NIPAL1: variants seen among roughly 807,000 people sequenced by gnomAD.
NIPAL1 encodes the protein NIPA like domain containing 1, also known as magnesium transporter NIPA3.
A neutral mutation model predicts 37.7 loss-of-function variants in NIPAL1; 35 were observed. The observed-to-expected ratio is 0.93, with a 90% CI of 0.71 to 1.23. The LOEUF (loss-of-function observed/expected upper bound fraction) is 1.23. Ranked by LOEUF, NIPAL1 falls within the 50% of genes most tolerant of loss-of-function variation. The pLI, the probability that NIPAL1 is intolerant of heterozygous loss-of-function variation, is 0.00. For synonymous variants in NIPAL1, 162 were observed against 183.0 expected (o/e 0.89, Z 0.93); for missense variants, 412 against 473.9 (o/e 0.87, Z 1.21).
At position 48,034,868 on chromosome 4, in the gene NIPAL1, T is replaced by TC; in HGVS notation, c.462-12dup. 1 of 1,604,316 alleles carries TC rather than the reference T, an allele frequency of 6.2e-7. No homozygotes were observed. Among genetic ancestry groups the TC allele is most frequent in the Admixed American group, 1.7e-5 (1 of 58,238 alleles). ...TGAGCTATAGTGATTTTTAATTTTT[T>TC]CTCTCCCAACAGTGCAATATTATCT... On this transcript the variant is annotated splice_polypyrimidine_tract_variant and intron_variant, in intron 4 of 5. Transcript: ENST00000295461.
chr4:48,017,054 C>T (rs1488882590), intron 1 of NIPAL1, among the ~76,000 whole-genome samples, 169 bp downstream of exon 1: 2 of 152,356 alleles, frequency 1.3e-5, no homozygotes, highest in African/African-American at 4.8e-5. Context: ...AGGCGTTCAA[C>T]ACTTATTTAT....
chr4:48,029,501 T>C (rs1473365913), intron 2 of NIPAL1, among the ~76,000 whole-genome samples: 1 of 152,148 alleles, frequency 6.6e-6, no homozygotes, highest in Non-Finnish European at 1.5e-5. Context: ...ATTCAGGTGA[T>C]AGATACACTA....
At position 48,040,074 on chromosome 4, in the gene NIPAL1, C is replaced by A. The variant is rs1444585200; in HGVS notation, c.*3902C>A. 1 of 151,926 alleles carries A rather than the reference C, an allele frequency of 6.6e-6. No homozygotes were observed. The highest frequency in any genetic ancestry group is 1.5e-5 in the Non-Finnish European group (1 of 68,000). The allele number at this position is 151,926 out of a possible 1,614,324, so 9.4% of individuals were successfully genotyped here. On this transcript the variant is annotated 3_prime_UTR_variant, in exon 6 of 6. Coordinates refer to ENST00000295461, the MANE Select transcript of NIPAL1 (RefSeq NM_207330.3). ...TATTTTGAATAAACTGTTCATGAAG[C>A]CTTATATTTTGCAAGTGTTTTTACT...
In NIPAL1 at chr4:48,036,505, C is replaced by G; in HGVS notation, c.*333C>G. ...TCTTTGGTAGCTATTTTTAGACTTACAGTCATTCACCAATATACAGTTAGC... is the reference window on the plus strand; with the variant it reads ...TCTTTGGTAGCTATTTTTAGACTTAGAGTCATTCACCAATATACAGTTAGC... On this transcript the variant is annotated 3_prime_UTR_variant, in exon 6 of 6. Transcript: ENST00000295461. 3.4e-6 allele frequency: 1 copy of G among 294,964 alleles called. No individual in the cohort carries two copies. Among genetic ancestry groups the G allele is most frequent in the Non-Finnish European group, 6.3e-6 (1 of 158,854 alleles). The allele number at this position is 294,964 out of a possible 1,614,324, so 18.3% of individuals were successfully genotyped here. A position where few individuals can be genotyped will look rare whatever the true frequency, so the allele number is the denominator to read the frequency against.
chr4:48,018,944 T>C (rs1715513117), intron 1 of NIPAL1, among the ~76,000 whole-genome samples: 1 of 152,094 alleles, frequency 6.6e-6, no homozygotes, highest in South Asian at 2.1e-4. Context: ...TGACAAGGGG[T>C]CAGTCATGAG....
chr4:48,028,448 G>C (rs1560323912), intron 2 of NIPAL1, among the ~76,000 whole-genome samples: 1 of 152,074 alleles, frequency 6.6e-6, no homozygotes, highest in Admixed American at 6.5e-5. Flanking sequence ...AAACTTAAAT[G>C]TAAAACCTGA....
chr4:48,037,842 T>C lies in NIPAL1; in HGVS notation c.*1670T>C, dbSNP rs1364142152. On this transcript the variant is annotated 3_prime_UTR_variant, in exon 6 of 6. Coordinates refer to ENST00000295461, the MANE Select transcript of NIPAL1 (RefSeq NM_207330.3). ...TGATGGACAGATTTACTGTCACTTA[T>C]TGATTTTATGGAAAATAAATTGGCT... 1 of 152,180 alleles carries C rather than the reference T, an allele frequency of 6.6e-6. No individual in the cohort carries two copies. The highest frequency in any genetic ancestry group is 1.5e-5 in the Non-Finnish European group (1 of 68,032). The allele number at this position is 152,180 out of a possible 1,614,324, so 9.4% of individuals were successfully genotyped here.
intron 4 of NIPAL1, among the ~76,000 whole-genome samples, chr4:48,033,427 A>G (rs1424335459): frequency 2.6e-5 from 4 of 152,238 alleles, no homozygotes; most frequent in Admixed American, 6.5e-5. Context: ...TTGATTTCCT[A>G]CTAACATAAA....
At chr4:48,020,284 TG>T (rs1715544110) in intron 1 of NIPAL1, among the ~76,000 whole-genome samples, 1 of 152,206 alleles carries the variant, frequency 6.6e-6, no homozygotes, top group Admixed American at 6.5e-5. Flanking sequence ...GTTGAGATTT[TG>T]TTGTAAGTTG....
chr4:48,038,601 C>G lies in NIPAL1; in HGVS notation c.*2429C>G, dbSNP rs1716008238. On this transcript the variant is annotated 3_prime_UTR_variant, in exon 6 of 6. Transcript: ENST00000295461. ...CCAGCCTGGGTGACAAGAGTGAGAC[C>G]CTGACCCAAAAAAGTATCTTCTGAT... 6.6e-6 allele frequency: 1 copy of G among 151,894 alleles called. No homozygotes were observed. Among genetic ancestry groups the G allele is most frequent in the African/African-American group, 2.4e-5 (1 of 41,336 alleles). The allele number at this position is 151,894 out of a possible 1,614,324, so 9.4% of individuals were successfully genotyped here.
At chr4:48,024,953 A>G (rs923347778) in intron 1 of NIPAL1, 115 bp from the exon 2 acceptor site, 4 of 861,110 alleles carry the variant, frequency 4.6e-6, no homozygotes, top group Non-Finnish European at 7.4e-6. Flanking sequence ...ACTTCCCTAC[A>G]TGTAGTAAAA....
At chr4:48,018,305 G>A (rs574164113) in intron 1 of NIPAL1, among the ~76,000 whole-genome samples, 1 of 152,164 alleles carries the variant, frequency 6.6e-6, no homozygotes, top group African/African-American at 2.4e-5. Context: ...GAAGGTATAT[G>A]AATTACACCC....
rs1293081561 is a variant in NIPAL1, at chr4:48,035,736, AATGGAAG to A, written c.798_804del (p.Glu266AspfsTer20). The A allele has an allele frequency of 1.2e-6, 2 of 1,614,130 alleles. No individual in the cohort carries two copies. The highest frequency in any genetic ancestry group is 2.7e-5 in the African/African-American group (2 of 75,052). ...GGAATTGCCATTAAGGAGCTGATAG[AATGGAAG>A]CCAGTTTACAAACATCCGCTGGTCT... On this transcript the variant is annotated frameshift_variant, in exon 6 of 6. Transcript: ENST00000295461. LOFTEE classifies it high-confidence loss of function.
At chr4:48,030,421 A>G (rs1715795292) in intron 3 of NIPAL1, among the ~76,000 whole-genome samples, 1 of 152,174 alleles carries the variant, frequency 6.6e-6, no homozygotes, top group Non-Finnish European at 1.5e-5. Flanking sequence ...GAAAAAGTTG[A>G]CCTTTGAAAT....
At position 48,025,251 on chromosome 4, in the gene NIPAL1, G is replaced by A. The variant is rs1322589608; in HGVS notation, c.230G>A (p.Ser77Asn). 1 of 1,614,136 alleles carries A rather than the reference G, an allele frequency of 6.2e-7. No individual in the cohort carries two copies. The change falls in exon 2 of 6, where the codon AGC becomes AAC. Residue 77 changes from serine to asparagine, a missense_variant. By Grantham distance (46) the Ser-to-Asn change is conservative (BLOSUM62 1). Transcript: ENST00000295461. ...SLYVGLVLAV[S>N]SSIFIGSSFI... The stretch of plus-strand genomic sequence containing the variant: ...TATGTGGGCTTGGTACTGGCAGTAA[G>A]CTCAAGTATTTTTATTGGCTCCAGC...
intron 4 of NIPAL1, among the ~76,000 whole-genome samples, chr4:48,034,263 A>G (rs1715876872): frequency 6.6e-6 from 1 of 152,218 alleles, no homozygotes; most frequent in Non-Finnish European, 1.5e-5. Flanking sequence ...ACGGCTTGGA[A>G]TGTGGCCCAA....
In NIPAL1 at chr4:48,035,897, A is replaced by G. The variant is rs1339926704; in HGVS notation, c.958A>G (p.Thr320Ala). The G allele has an allele frequency of 6.2e-6, 10 of 1,613,912 alleles. No individual in the cohort carries two copies. The South Asian group carries it at 9.9e-5, about 16-fold the overall frequency. Residue 320 changes from threonine (T) to alanine (A), a missense_variant, in exon 6 of 6, where the codon ACT (threonine) becomes GCT (alanine). Coordinates refer to ENST00000295461, the MANE Select transcript of NIPAL1 (RefSeq NM_207330.3). ...YYVFFTSMVV[T>A]CSAILFQEWY... ...TGTATTCTTCACATCCATGGTAGTG[A>G]CTTGCTCTGCCATCTTATTCCAAGA...
intron 3 of NIPAL1, among the ~76,000 whole-genome samples, chr4:48,031,447 G>A (rs1715816790): frequency 6.6e-6 from 1 of 152,086 alleles, no homozygotes; most frequent in Non-Finnish European, 1.5e-5. Flanking sequence ...ATTCCAGATA[G>A]GTATTTGGAT....
At chr4:48,029,623 T>A (rs1577625506) in intron 2 of NIPAL1, among the ~76,000 whole-genome samples, 1 of 152,112 alleles carries the variant, frequency 6.6e-6, no homozygotes, top group East Asian at 1.9e-4. Flanking sequence ...CATGAAAGAA[T>A]AAAATGGGTG....
Sources: allele counts gnomAD v4.1 joint callset (sites outside exome capture counted in the v4.1 genomes callset), GRCh38; gene constraint gnomAD v4.1.1; transcripts MANE v1.5; gene names NCBI Gene and HGNC (gene_info 2026-07-23, HGNC 2026-07-21).